Variants in PCCB observed in about 807,000 individuals in gnomAD.
PCCB encodes propionyl-CoA carboxylase beta chain, mitochondrial.
PCCB carries 43 observed loss-of-function variants against 60.7 expected under a neutral mutation model. The ratio of observed to expected loss-of-function variants is 0.71; its 90% CI spans 0.55 to 0.91. The LOEUF (loss-of-function observed/expected upper bound fraction) is 0.91. Among genes scored for constraint, PCCB ranks in the 40% least tolerant of loss-of-function variants. The pLI is 0.00. For missense variants in PCCB, 766 were observed against 702.8 expected (o/e 1.09, Z -1.02); for synonymous variants, 276 against 255.9 (o/e 1.08, Z -0.75).
At chr3:136,302,122 C>T (rs1284841020) in intron 9 of PCCB, among the ~76,000 whole-genome samples, 5 of 152,186 alleles carry the variant, frequency 3.3e-5, no homozygotes, top group Non-Finnish European at 7.3e-5. Flanking sequence ...AGTCAGCAAG[C>T]ACAGATTCTC....
chr3:136,328,974 G>C (rs1256701484), intron 14 of PCCB, 117 bp downstream of exon 14: 17 of 810,792 alleles, frequency 2.1e-5, no homozygotes, highest in Non-Finnish European at 3.2e-5. Flanking sequence ...CTGTTGACTA[G>C]TGAGGGTTGG....
Position 136,293,808 on chromosome 3 carries a change from A to G in PCCB, c.707A>G (p.Asn236Ser), listed in dbSNP as rs778955184. Reference sequence around the variant, plus strand: ...CCTGATGTTGTGAAGTCTGTCACCAATGAGGATGTTACCCAGGAGGAGCTC... The same window carrying G: ...CCTGATGTTGTGAAGTCTGTCACCAGTGAGGATGTTACCCAGGAGGAGCTC... The part of the protein sequence containing the change: ...TGPDVVKSVT[N>S]EDVTQEELGG... The change falls in exon 7 of 15, where the codon AAT (asparagine) becomes AGT (serine). Residue 236 changes from asparagine to serine, a missense_variant. Asn to Ser is a conservative substitution (Grantham distance 46, BLOSUM62 1). Transcript: ENST00000251654. 58 of 1,613,562 alleles carry G rather than the reference A, an allele frequency of 3.6e-5. No homozygotes were observed. In the East Asian group the frequency reaches 8.5e-4, roughly 24 times the overall value.
intron 9 of PCCB, among the ~76,000 whole-genome samples, chr3:136,302,690 ATC>A (rs911999776): frequency 8.6e-6 from 1 of 116,252 alleles, no homozygotes; most frequent in African/African-American, 2.6e-5. Context: ...CATTAGGTAT[ATC>A]TCCTAATGCT....
At chr3:136,287,246 A>G (rs988143172) in intron 6 of PCCB, among the ~76,000 whole-genome samples, 5 of 152,112 alleles carry the variant, frequency 3.3e-5, no homozygotes, top group African/African-American at 7.2e-5. Context: ...AACAATGTGG[A>G]TTAGCGTTTC....
chr3:136,292,236 G>GTTT (rs11385401), intron 6 of PCCB, among the ~76,000 whole-genome samples: 1 of 144,970 alleles, frequency 6.9e-6, no homozygotes, highest in Non-Finnish European at 1.5e-5. Context: ...TGTGTCTCTA[G>GTTT]TTTTTTTTTT....
rs752962231 is a variant in PCCB at position 136,289,829 on chromosome 3, A to T, written c.655-3927A>T. 2.1e-5 allele frequency among the ~76,000 whole-genome samples: 3 copies of T among 145,354 alleles called. No individual in the cohort carries two copies. In the Admixed American group the frequency reaches 2.1e-4, roughly 10 times the overall value. ...CTTCAGTGGTTGCCTTAGAGGTTGC[A>T]ATATAATTTACAGCTATTTTAAGTT... On this transcript the variant is annotated intron_variant, in intron 6 of 14. Transcript: ENST00000251654.
In PCCB at chr3:136,300,882, C is replaced by A. The variant is rs543828605; in HGVS notation, c.885-148C>A. On this transcript the variant is annotated intron_variant, in intron 8 of 14. Transcript: ENST00000251654. ...TAATATGGTGGTTAAAAAGGAATGA[C>A]TCTTTGGTGACTGCTTTGTAAGCCC... 11 of 704,174 alleles carry A rather than the reference C, an allele frequency of 1.6e-5. 1 individual carries two copies. The Admixed American group carries it at 2.2e-4, about 14-fold the overall frequency. The allele number at this position is 704,174 out of a possible 1,614,324, so 43.6% of individuals were successfully genotyped here.
chr3:136,273,597 C>CTTTTTTTTTTTTTTT, intron 5 of PCCB, among the ~76,000 whole-genome samples: 526 of 45,124 alleles, frequency 0.012, no homozygotes, highest in Middle Eastern at 0.015. Context: ...TTTCTTTTTT[C>CTTTTTTTTTTTTTTT]TTTTTTTTTT....
chr3:136,304,209 C>T (rs1353698590), intron 9 of PCCB, among the ~76,000 whole-genome samples: 2 of 111,524 alleles, frequency 1.8e-5, no homozygotes, highest in Admixed American at 1.1e-4. Context: ...GGCTGGAGTG[C>T]AGCGGTGTGA....
chr3:136,268,136 A>ATATATATATC (rs1553775786), intron 5 of PCCB, among the ~76,000 whole-genome samples: 4 of 128,590 alleles, frequency 3.1e-5, no homozygotes, highest in African/African-American at 1.3e-4. Flanking sequence ...ATATATATAT[A>ATATATATATC]TATATCTACA....
In PCCB at chr3:136,316,845, T is replaced by A. The variant is rs543116818; in HGVS notation, c.967-96T>A. ...AGAGCTGGAGCTGTCTACCTCTACC[T>A]CTGTAATTCTGTAATAGAAATGTCA... On this transcript the variant is annotated intron_variant, in intron 9 of 14. Coordinates refer to ENST00000251654, the MANE Select transcript of PCCB (RefSeq NM_000532.5). 2.1e-6 allele frequency: 3 copies of A among 1,422,272 alleles called. No individual in the cohort carries two copies. In the East Asian group the frequency reaches 6.8e-5, roughly 32 times the overall value. The allele number at this position is 1,422,272 out of a possible 1,614,324, so 88.1% of individuals were successfully genotyped here.
At chr3:136,298,782 T>A (rs138039998) in intron 8 of PCCB, among the ~76,000 whole-genome samples, 4 of 152,236 alleles carry the variant, frequency 2.6e-5, no homozygotes, top group African/African-American at 7.2e-5. Flanking sequence ...CTCCAAATTA[T>A]AAGCACTCAC....
At chr3:136,262,176 T>C in intron 5 of PCCB, 111 bp downstream of exon 5, 1 of 749,294 alleles carries the variant, frequency 1.3e-6, no homozygotes, top group Non-Finnish European at 2.4e-6. Context: ...GCATTGTGTC[T>C]GTTCTGTGGG....
intron 7 of PCCB, among the ~76,000 whole-genome samples, 170 bp downstream of exon 7, chr3:136,294,034 T>A (rs1022802671): frequency 6.6e-6 from 1 of 152,178 alleles, no homozygotes; most frequent in Non-Finnish European, 1.5e-5. Flanking sequence ...ACAGATATAG[T>A]GATAAAGGTA....
chr3:136,266,123 C>A (rs912950401), intron 5 of PCCB, among the ~76,000 whole-genome samples: 1 of 149,154 alleles, frequency 6.7e-6, no homozygotes, highest in Non-Finnish European at 1.5e-5. Context: ...CCACCATGCC[C>A]AGCCTTGGTT....
At chr3:136,280,703 C>T (rs1389773184) in intron 5 of PCCB, among the ~76,000 whole-genome samples, 1 of 152,154 alleles carries the variant, frequency 6.6e-6, no homozygotes, top group Non-Finnish European at 1.5e-5. Context: ...CTGTGTCACG[C>T]AGAATAGAGT....
chr3:136,304,586 C>T (rs1464734578), intron 9 of PCCB, among the ~76,000 whole-genome samples: 1 of 119,090 alleles, frequency 8.4e-6, no homozygotes, highest in African/African-American at 2.5e-5. Context: ...GGGGTTTCAC[C>T]GTGTTAGCCA....
At chr3:136,289,584 C>G (rs541300895) in intron 6 of PCCB, among the ~76,000 whole-genome samples, 1 of 152,186 alleles carries the variant, frequency 6.6e-6, no homozygotes, top group Admixed American at 6.5e-5. Flanking sequence ...TTGATCTAGT[C>G]TGACAATCCG....
At chr3:136,256,048 A>G (rs1941664378) in intron 2 of PCCB, 73 bp downstream of exon 2, 2 of 1,607,920 alleles carry the variant, frequency 1.2e-6, no homozygotes, top group African/African-American at 2.7e-5. Context: ...AATAATAATA[A>G]ATCTATAAGG....
Sources: gnomAD v4.1 joint callset for allele counts (sites outside exome capture counted in the v4.1 genomes callset) on GRCh38, gnomAD v4.1.1 for gene constraint, MANE v1.5 for transcripts, NCBI Gene and HGNC (gene_info 2026-07-23, HGNC 2026-07-21) for gene names.